The following TPCN1 variants were observed in gnomAD, a reference collection of about 807,000 sequenced individuals.
TPCN1 encodes two pore segment channel 1.
TPCN1 carries 52 observed loss-of-function variants against 108.8 expected under a neutral mutation model. That is an observed-to-expected ratio of 0.48 (90% CI 0.38 to 0.60). The LOEUF is 0.60. TPCN1 is among the 20% of genes least tolerant of loss of function. The probability of loss-of-function intolerance (pLI) is 0.00; values close to 1 mark genes in which losing one functional copy is unlikely to be tolerated. For synonymous variants in TPCN1, 446 were observed against 433.7 expected (o/e 1.03, Z -0.35); for missense variants, 806 against 1,072.8 (o/e 0.75, Z 3.47).
At position 113,296,924 on chromosome 12, in the gene TPCN1, AAAC is replaced by A. The variant is rs1346556750; in HGVS notation, c.*852_*854del. 1 of 152,252 alleles carries A rather than the reference AAAC, an allele frequency of 6.6e-6. No homozygotes were observed. Among genetic ancestry groups the A allele is most frequent in the Admixed American group, 6.5e-5 (1 of 15,288 alleles). The allele number at this position is 152,252 out of a possible 1,614,324, so 9.4% of individuals were successfully genotyped here. A position where few individuals can be genotyped will look rare whatever the true frequency, so the allele number is the denominator to read the frequency against. On this transcript the variant is annotated 3_prime_UTR_variant, in exon 28 of 28. Transcript: ENST00000335509. ...TTTTTGCGATTTACCCGTTCAAGCA[AAAC>A]AACGTTTTGGTTAACTAAGGATTGT... is the stretch of plus-strand genomic sequence containing the variant.
intron 2 of TPCN1, among the ~76,000 whole-genome samples, chr12:113,258,181 G>A (rs1334175331): frequency 6.6e-6 from 1 of 151,984 alleles, no homozygotes; most frequent in East Asian, 1.9e-4. Flanking sequence ...AAATGGGTAG[G>A]GTTGGCCAGG....
intron 10 of TPCN1, among the ~76,000 whole-genome samples, chr12:113,275,830 C>T (rs1164925602): frequency 1.3e-5 from 2 of 152,158 alleles, no homozygotes; most frequent in East Asian, 3.8e-4. Context: ...CCCGCCTCGG[C>T]CTCCCAAAGT....
In TPCN1 at chr12:113,273,119, A is replaced by G; in HGVS notation, c.784-113A>G. The G allele has an allele frequency of 3.3e-6, 3 of 908,490 alleles. No homozygotes were observed. The highest frequency in any genetic ancestry group is 1.7e-5 in the Admixed American group (1 of 57,590). 56.3% of individuals were successfully genotyped at this position (908,490 alleles called of 1,614,324 possible). ...CTCTGCCTCCCTCAGGGATTCCTTG[A>G]GAGATGCAAGAGCGGTCAAGGCAGG... On this transcript the variant is annotated intron_variant, in intron 8 of 27. Coordinates refer to ENST00000335509, the MANE Select transcript of TPCN1 (RefSeq NM_017901.6). This position sits in a 1 kb window ranked among gnomAD's most constrained non-coding sequence, Gnocchi z 4.0.
intron 7 of TPCN1, among the ~76,000 whole-genome samples, chr12:113,271,731 C>T (rs916370070): frequency 6.6e-6 from 1 of 152,198 alleles, no homozygotes; most frequent in Admixed American, 6.5e-5. Flanking sequence ...CTGTGTGTTT[C>T]CCGGTGCTCA....
At chr12:113,235,031 C>A (rs1953831627) in intron 2 of TPCN1, among the ~76,000 whole-genome samples, 1 of 152,168 alleles carries the variant, frequency 6.6e-6, no homozygotes, top group African/African-American at 2.4e-5. Flanking sequence ...GAAAAGAGTA[C>A]AAAACCAACA....
At position 113,221,495 on chromosome 12, in the gene TPCN1, T is replaced by A. The variant is rs1953217466; in HGVS notation, c.-257T>A. On this transcript the variant is annotated 5_prime_UTR_variant, in exon 1 of 28. Transcript: ENST00000335509. Reference sequence around the variant, plus strand: ...GCGCAGCTGCCCTGGTGGCAGTGGCTGAAGTGGCGGCGGCTTCGGCGGCTG... The same window carrying A: ...GCGCAGCTGCCCTGGTGGCAGTGGCAGAAGTGGCGGCGGCTTCGGCGGCTG... 39 of 295,320 alleles carry A rather than the reference T, an allele frequency of 1.3e-4. 1 individual carries two copies. Among genetic ancestry groups the A allele is most frequent in the South Asian group, 1.1e-3 (39 of 36,604 alleles). 18.3% of individuals were successfully genotyped at this position (295,320 alleles called of 1,614,324 possible).
chr12:113,289,813 G>A lies in TPCN1; in HGVS notation c.1797-315G>A, dbSNP rs572601926. Among the ~76,000 whole-genome samples the A allele has an allele frequency of 6.6e-6, 1 of 152,340 alleles. No homozygotes were observed. The highest frequency in any genetic ancestry group is 1.9e-4 in the East Asian group (1 of 5,180). ...TCCTAGATGGGGCAGGTGCAGAGGA[G>A]GCCCTTGCCTCTCCTCCCTCCCCTG... On this transcript the variant is annotated intron_variant, in intron 21 of 27. Transcript: ENST00000335509. This position sits in a 1 kb window ranked among gnomAD's most constrained non-coding sequence, Gnocchi z 4.1.
chr12:113,266,418 A>C lies in TPCN1; in HGVS notation c.414+62A>C, dbSNP rs970561031. 2.5e-6 allele frequency: 4 copies of C among 1,578,158 alleles called. No individual in the cohort carries two copies. The highest frequency in any genetic ancestry group is 1.7e-5 in the Admixed American group (1 of 58,350). On this transcript the variant is annotated intron_variant, in intron 4 of 27. Coordinates refer to ENST00000335509, the MANE Select transcript of TPCN1 (RefSeq NM_017901.6). The surrounding 1 kb of genome is among the most constrained non-coding windows in gnomAD (Gnocchi z 4.2). ...CCACGGCTTTCAGGGCAAGCGATGG[A>C]ACTCCAAAAAGGAACATTCTGGGAG...
chr12:113,223,669 C>T (rs1286533761), intron 1 of TPCN1, among the ~76,000 whole-genome samples: 1 of 152,122 alleles, frequency 6.6e-6, no homozygotes, highest in Non-Finnish European at 1.5e-5. Context: ...TCAGGCTCCC[C>T]AGTAGCTGGG....
At position 113,290,783 on chromosome 12, in the gene TPCN1, G is replaced by A. The variant is rs934573113; in HGVS notation, c.1913-169G>A. Among the ~76,000 whole-genome samples, 20 of 152,162 alleles carry A rather than the reference G, an allele frequency of 1.3e-4. 1 individual carries two copies. The highest frequency in any genetic ancestry group is 4.6e-4 in the African/African-American group (19 of 41,430). ...GGCCATGATGTCCTGTGGAGCCAGC[G>A]CCCTAGGAGTGCCTTGCCTGGTCTT... On this transcript the variant is annotated intron_variant, in intron 22 of 27. Coordinates refer to ENST00000335509, the MANE Select transcript of TPCN1 (RefSeq NM_017901.6).
At chr12:113,278,268 T>C in intron 13 of TPCN1, 31 bp downstream of exon 13, 4 of 1,606,176 alleles carry the variant, frequency 2.5e-6, no homozygotes, top group Non-Finnish European at 3.4e-6. Flanking sequence ...ATAGAAGGAG[T>C]AGACAGAGAG....
Position 113,284,594 on chromosome 12 carries a change from A to C in TPCN1, c.1356A>C (p.Ala452=). The change falls in exon 16 of 28, where the codon GCA becomes GCC. Residue 452 remains alanine (A), a synonymous_variant. Coordinates refer to ENST00000335509, the MANE Select transcript of TPCN1 (RefSeq NM_017901.6). This position sits in a 1 kb window ranked among gnomAD's most constrained non-coding sequence, Gnocchi z 4.1. ...TGTGTATTTCAGACTTGGTGGTGGC[A>C]GTCAACGGGGTCTGGATCCTCGTGG... The part of the protein sequence containing the change: ...AFQYFMYLVV[A]VNGVWILVET... 6.2e-7 allele frequency: 1 copy of C among 1,614,192 alleles called. No homozygotes were observed. Among genetic ancestry groups the C allele is most frequent in the Non-Finnish European group, 8.5e-7 (1 of 1,180,046 alleles).
chr12:113,260,400 G>T lies in TPCN1; in HGVS notation c.145G>T (p.Ala49Ser), dbSNP rs759943519. ...CAGCTATGCCATCCACGACTCCCAGGCCCCCAGTCTCAGCTCTGGGGGTGA... is the reference window on the plus strand; with the variant it reads ...CAGCTATGCCATCCACGACTCCCAGTCCCCCAGTCTCAGCTCTGGGGGTGA... Reference protein sequence around the residue: ...GGSYAIHDSQAPSLSSGGESS... With the variant: ...GGSYAIHDSQSPSLSSGGESS... Residue 49 changes from alanine to serine, a missense_variant, in exon 3 of 28, where the codon GCC becomes TCC. Coordinates refer to ENST00000335509, the MANE Select transcript of TPCN1 (RefSeq NM_017901.6). 2.6e-6 allele frequency: 4 copies of T among 1,513,402 alleles called. No individual in the cohort carries two copies. In the Admixed American group the frequency reaches 1.0e-4, roughly 38 times the overall value. 93.7% of individuals were successfully genotyped at this position (1,513,402 alleles called of 1,614,324 possible).
intron 3 of TPCN1, among the ~76,000 whole-genome samples, chr12:113,262,582 G>C (rs1955082929): frequency 1.3e-5 from 2 of 152,168 alleles, no homozygotes; most frequent in South Asian, 4.1e-4. Context: ...AGGCATACTT[G>C]TTAATGATCT....
At chr12:113,279,295 ATGTGTGTGTGTGTATATATATATGTG>A (rs1955782029) in intron 14 of TPCN1, among the ~76,000 whole-genome samples, 1 of 134,404 alleles carries the variant, frequency 7.4e-6, no homozygotes, top group African/African-American at 2.8e-5. Flanking sequence ...AATAACACAT[ATGTGTGTGTGTGTATATATATATGTG>A]TGTGTGTGTG....
chr12:113,282,381 C>T (rs2136704319), intron 15 of TPCN1, among the ~76,000 whole-genome samples: 1 of 152,084 alleles, frequency 6.6e-6, no homozygotes, highest in South Asian at 2.1e-4. Flanking sequence ...GCATGAGCCA[C>T]CGCATCCGGC....
intron 15 of TPCN1, among the ~76,000 whole-genome samples, chr12:113,281,379 A>G (rs999378770): frequency 4.6e-5 from 7 of 152,180 alleles, no homozygotes; most frequent in African/African-American, 1.7e-4. Context: ...TTTGAAGACA[A>G]TCAGACACCA....
intron 2 of TPCN1, among the ~76,000 whole-genome samples, chr12:113,234,794 G>A (rs192505612): frequency 1.1e-4 from 17 of 152,284 alleles, no homozygotes; most frequent in South Asian, 8.3e-4. Flanking sequence ...AATCATTGTC[G>A]TGTAGGATCA....
At position 113,233,206 on chromosome 12, in the gene TPCN1, C is replaced by T. The variant is rs1953756023; in HGVS notation, c.112+6242C>T. Among the ~76,000 whole-genome samples, 3 of 152,386 alleles carry T rather than the reference C, an allele frequency of 2.0e-5. No homozygotes were observed. In the South Asian group the frequency reaches 6.2e-4, roughly 32 times the overall value. ...TGAGATGCCATCTCTTCCCGTCCCC[C>T]TTTCCCGCACACAAGACGCTGCCGC... On this transcript the variant is annotated intron_variant, in intron 2 of 27. Transcript: ENST00000335509.
Sources: allele counts gnomAD v4.1 joint callset (sites outside exome capture counted in the v4.1 genomes callset), GRCh38; gene constraint gnomAD v4.1.1; non-coding constraint Gnocchi (gnomAD v3.1); transcripts MANE v1.5; gene names NCBI Gene and HGNC (gene_info 2026-07-23, HGNC 2026-07-21).